Variants in MKI67 observed in about 807,000 individuals in gnomAD.
The protein encoded by MKI67 is proliferation marker protein Ki-67.
In MKI67, 152 loss-of-function variants were observed where a neutral mutation model predicts 233.5. That is an observed-to-expected ratio of 0.65 (90% CI 0.57 to 0.74). MKI67 has a LOEUF of 0.74. MKI67 is among the 30% of genes least tolerant of loss of function. MKI67 has a pLI of 0.00. For synonymous variants in MKI67, 1,465 were observed against 1,418.5 expected, an observed-to-expected ratio of 1.03 and a Z score of -0.74; for missense variants, 3,940 against 3,885.2, an observed-to-expected ratio of 1.01 and a Z score of -0.37.
At chr10:128,100,035 G>A (rs756508504) in intron 14 of MKI67, among the ~76,000 whole-genome samples, 3 of 152,142 alleles carry the variant, frequency 2.0e-5, no homozygotes, top group Non-Finnish European at 4.4e-5. Context: ...TTCGGTAAGC[G>A]CCTGGAGCCT....
Position 128,107,561 on chromosome 10 carries a change from C to T in MKI67, c.4279G>A (p.Glu1427Lys), listed in dbSNP as rs1852538699. ...CTAAACGCGTTGATGCTTTTATCCTCACCTCCTGGTACTTTATCTGTGTGT... is the reference window on the plus strand; with the variant it reads ...CTAAACGCGTTGATGCTTTTATCCTTACCTCCTGGTACTTTATCTGTGTGT... ...TTHTDKVPGGEDKSINAFRET... is the reference protein window; with the variant it reads ...TTHTDKVPGGKDKSINAFRET... The change falls in exon 13 of 15, where the codon GAG becomes AAG. Residue 1427 changes from glutamate (E) to lysine (K), a missense_variant. Coordinates refer to ENST00000368654, the MANE Select transcript of MKI67 (RefSeq NM_002417.5). The T allele has an allele frequency of 1.2e-6, 2 of 1,614,090 alleles. No homozygotes were observed. The highest frequency in any genetic ancestry group is 1.7e-6 in the Non-Finnish European group (2 of 1,180,030).
chr10:128,123,617 A>G lies in MKI67; in HGVS notation c.93-448T>C, dbSNP rs190518593. Reference sequence around the variant, plus strand: ...CTTCTGTGCATCAGTTTCTTCATATACAATAAAGAAATTACATTAGAACCT... The same window carrying G: ...CTTCTGTGCATCAGTTTCTTCATATGCAATAAAGAAATTACATTAGAACCT... On this transcript the variant is annotated intron_variant, in intron 2 of 14. Coordinates refer to ENST00000368654, the MANE Select transcript of MKI67 (RefSeq NM_002417.5). Among the ~76,000 whole-genome samples, 4 of 152,350 alleles carry G rather than the reference A, an allele frequency of 2.6e-5. No homozygotes were observed. The East Asian group carries it at 7.7e-4, about 29-fold the overall frequency.
chr10:128,114,814 T>C, intron 7 of MKI67, 114 bp downstream of exon 7: 1 of 1,066,244 alleles, frequency 9.4e-7, no homozygotes, highest in Non-Finnish European at 1.3e-6. Context: ...CTGTGCCTTA[T>C]GTGCTTACAT....
Position 128,106,641 on chromosome 10 carries a change from G to T in MKI67, c.5199C>A (p.Thr1733=), listed in dbSNP as rs1296421253. ...TKESMTNEKT[T]KVSYRASQPD... ...GCTGTGAAGCTCTGTAGGATACTTT[G>T]GTAGTTTTTTCGTTAGTCATTGATT... Residue 1733 remains threonine (T), a synonymous_variant, in exon 13 of 15, where the codon ACC becomes ACA. Coordinates refer to ENST00000368654, the MANE Select transcript of MKI67 (RefSeq NM_002417.5). The T allele has an allele frequency of 2.5e-6, 4 of 1,614,134 alleles. No individual in the cohort carries two copies. Among genetic ancestry groups the T allele is most frequent in the Non-Finnish European group, 2.5e-6 (3 of 1,180,028 alleles).
In MKI67 at chr10:128,115,957, C is replaced by A. The variant is rs768653650; in HGVS notation, c.451G>T (p.Val151Phe). Residue 151 changes from valine to phenylalanine, a missense_variant, in exon 7 of 15, where the codon GTT (valine) becomes TTT (phenylalanine). Physicochemically the swap from Val to Phe is conservative, Grantham distance 50. Transcript: ENST00000368654. ...ATATGTACCTGAGGATTTCCTGAAACTTTTCCTTCAGTGATTTTTGAATAG... is the reference window on the plus strand; with the variant it reads ...ATATGTACCTGAGGATTTCCTGAAAATTTTCCTTCAGTGATTTTTGAATAG... ...KAYSKITEGK[V>F]SGNPQVHIKN... is the part of the protein sequence containing the mutation. 4 of 1,607,494 alleles carry A rather than the reference C, an allele frequency of 2.5e-6. No homozygotes were observed. Among genetic ancestry groups the A allele is most frequent in the Non-Finnish European group, 1.7e-6 (2 of 1,178,638 alleles).
At chr10:128,109,548 C>T in intron 12 of MKI67, 125 bp from the exon 13 acceptor site, 1 of 991,926 alleles carries the variant, frequency 1.0e-6, no homozygotes, top group Non-Finnish European at 1.5e-6. Flanking sequence ...CGACATGAGG[C>T]TACTTATGTG....
chr10:128,112,450 C>G lies in MKI67; in HGVS notation c.1657-5G>C, dbSNP rs765903742. On this transcript the variant is annotated splice_polypyrimidine_tract_variant and splice_region_variant and intron_variant, in intron 8 of 14. Transcript: ENST00000368654. The stretch of plus-strand genomic sequence containing the variant: ...TCCTGATGGTTGAGGCTGTTCCTGA[C>G]AAGACAAAATTGTTTACAAGAAGCC... The G allele has an allele frequency of 6.2e-7, 1 of 1,612,398 alleles. No homozygotes were observed. Among genetic ancestry groups the G allele is most frequent in the Non-Finnish European group, 8.5e-7 (1 of 1,178,880 alleles).
At chr10:128,100,505 G>A (rs1039303857) in intron 14 of MKI67, among the ~76,000 whole-genome samples, 2 of 152,174 alleles carry the variant, frequency 1.3e-5, no homozygotes, top group African/African-American at 2.4e-5. Context: ...GTAGTTTTAG[G>A]TCCAAATTTT....
In MKI67 at chr10:128,104,736, G is replaced by A. The variant is rs759183616; in HGVS notation, c.7104C>T (p.Asp2368=). Reference sequence around the variant, plus strand: ...TGAGTGCTAAAAATTCTTCCTCTACGTCTGCTTTCCTGAGGTTTCTCTTGG... The same window carrying A: ...TGAGTGCTAAAAATTCTTCCTCTACATCTGCTTTCCTGAGGTTTCTCTTGG... ...QRPKRNLRKA[D]VEEEFLALRK... is the part of the protein sequence containing the mutation. Residue 2368 remains aspartate (D), a synonymous_variant, in exon 13 of 15, where the codon GAC becomes GAT. Transcript: ENST00000368654. The A allele has an allele frequency of 9.3e-6, 15 of 1,613,598 alleles. No homozygotes were observed. The African/African-American group carries it at 1.2e-4, about 13-fold the overall frequency.
intron 11 of MKI67, among the ~76,000 whole-genome samples, chr10:128,111,150 A>G (rs991301628): frequency 1.3e-5 from 2 of 152,206 alleles, no homozygotes; most frequent in Non-Finnish European, 2.9e-5. Context: ...TCAGGCCACA[A>G]TTTACTGAGA....
intron 6 of MKI67, among the ~76,000 whole-genome samples, chr10:128,116,218 T>C (rs1852804950): frequency 1.3e-5 from 2 of 152,262 alleles, no homozygotes; most frequent in Non-Finnish European, 1.5e-5. Flanking sequence ...ATAACCAGTA[T>C]GAAATAGCAC....
chr10:128,124,525 T>C (rs868728878), intron 2 of MKI67, among the ~76,000 whole-genome samples: 73 of 152,290 alleles, frequency 4.8e-4, no homozygotes, highest in African/African-American at 1.7e-3. Context: ...CTCAAGAGAT[T>C]GCAAATCCAT....
chr10:128,120,541 T>G (rs1327457041), intron 4 of MKI67, among the ~76,000 whole-genome samples: 1 of 151,706 alleles, frequency 6.6e-6, no homozygotes, highest in Non-Finnish European at 1.5e-5. Context: ...AAGAAAAACT[T>G]CCTACATAGA....
In MKI67 at chr10:128,114,981, G is replaced by C. The variant is rs761799390; in HGVS notation, c.1427C>G (p.Ser476Cys). 7 of 1,600,700 alleles carry C rather than the reference G, an allele frequency of 4.4e-6. No homozygotes were observed. The highest frequency in any genetic ancestry group is 6.0e-6 in the Non-Finnish European group (7 of 1,168,960). ...KLGTTAGQMC[S>C]GLPGLSSVDI... ...AACTGAACTAAGACCAGGTAACCCA[G>C]AGCACATCTGTCCAGCTGTAGTGCC... is the stretch of plus-strand genomic sequence containing the variant. The change falls in exon 7 of 15, where the codon TCT becomes TGT. Residue 476 changes from serine (S) to cysteine (C), a missense_variant. Physicochemically the swap from Ser to Cys is moderately radical, Grantham distance 112 (BLOSUM62 -1). Transcript: ENST00000368654.
At position 128,106,847 on chromosome 10, in the gene MKI67, CTGTGTG is replaced by C. The variant is rs145960091; in HGVS notation, c.4987_4992del (p.His1663_Thr1664del). ...ATGCTCTTACCATCTCCTGTTGGCT[CTGTGTG>C]TGTGTGTGTAGTCTCTCCTGATGTC... On this transcript the variant is annotated inframe_deletion, in exon 13 of 15. Transcript: ENST00000368654. The C allele has an allele frequency of 1.3e-6, 2 of 1,530,736 alleles. No individual in the cohort carries two copies. Among genetic ancestry groups the C allele is most frequent in the Admixed American group, 3.5e-5 (2 of 57,652 alleles). The allele number at this position is 1,530,736 out of a possible 1,614,324, so 94.8% of individuals were successfully genotyped here.
At chr10:128,113,768 G>A (rs932860611) in intron 7 of MKI67, among the ~76,000 whole-genome samples, 166 bp from the exon 8 acceptor site, 11 of 152,194 alleles carry the variant, frequency 7.2e-5, no homozygotes, top group African/African-American at 2.7e-4. Flanking sequence ...GCTACTAAGA[G>A]TTCCTAAAGG....
chr10:128,112,228 G>A lies in MKI67; in HGVS notation c.1874C>T (p.Pro625Leu). 6.2e-7 allele frequency: 1 copy of A among 1,614,092 alleles called. No individual in the cohort carries two copies. The highest frequency in any genetic ancestry group is 8.5e-7 in the Non-Finnish European group (1 of 1,179,968). Residue 625 changes from proline to leucine, a missense_variant, in exon 9 of 15, where the codon CCT becomes CTT. Coordinates refer to ENST00000368654, the MANE Select transcript of MKI67 (RefSeq NM_002417.5). The part of the protein sequence containing the change: ...KRGGRKSGNL[P>L]SKRVSISRSQ... ...TCGGCTGATAGACACTCTCTTTGAA[G>A]GCAGGTTGCCACTCTTTCTCCCTCC...
chr10:128,103,610 G>C lies in MKI67; in HGVS notation c.8230C>G (p.Gln2744Glu). 1 of 1,614,174 alleles carries C rather than the reference G, an allele frequency of 6.2e-7. No homozygotes were observed. Among genetic ancestry groups the C allele is most frequent in the Non-Finnish European group, 8.5e-7 (1 of 1,180,050 alleles). The part of the protein sequence containing the change: ...KEEPSAVKFT[Q>E]TSGETTDADK... ...GCATCCGTGGTTTCCCCTGATGTTT[G>C]TGTGAACTTGACTGCTGAAGGCTCT... Residue 2744 changes from glutamine to glutamate, a missense_variant, in exon 13 of 15, where the codon CAA (glutamine) becomes GAA (glutamate). Transcript: ENST00000368654.
At chr10:128,119,789 A>T (rs530042216) in intron 4 of MKI67, among the ~76,000 whole-genome samples, 3 of 152,366 alleles carry the variant, frequency 2.0e-5, no homozygotes, top group African/African-American at 7.2e-5. Flanking sequence ...ACTACAGGGT[A>T]ACTACAAACC....
Sources: gnomAD v4.1 joint callset for allele counts (sites outside exome capture counted in the v4.1 genomes callset) on GRCh38, gnomAD v4.1.1 for gene constraint, MANE v1.5 for transcripts, NCBI Gene and HGNC (gene_info 2026-07-23, HGNC 2026-07-21) for gene names.